ORMDL3: variants seen among roughly 807,000 people sequenced by gnomAD.
The protein encoded by ORMDL3 is ORM1-like protein 3.
ORMDL3 carries 6 observed loss-of-function variants against 12.6 expected under a neutral mutation model. That is an observed-to-expected ratio of 0.48 (90% CI 0.26 to 0.94). ORMDL3 has a LOEUF of 0.94. ORMDL3 is among the 40% of genes least tolerant of loss of function. ORMDL3 has a pLI of 0.14. For missense variants in ORMDL3, 159 were observed against 205.5 expected (o/e 0.77, Z 1.38); for synonymous variants, 99 against 87.2 (o/e 1.14, Z -0.75).
At chr17:39,922,708 A>G in intron 3 of ORMDL3, 23 bp from the exon 4 acceptor site, 2 of 1,609,920 alleles carry the variant, frequency 1.2e-6, no homozygotes, top group Non-Finnish European at 1.7e-6. Flanking sequence ...GGGTGGGGAG[A>G]GATATAAAAG....
chr17:39,923,977 G>A, intron 2 of ORMDL3, 53 bp downstream of exon 2: 2 of 1,506,978 alleles, frequency 1.3e-6, no homozygotes, highest in Non-Finnish European at 1.8e-6. Context: ...CTGCCAAAGG[G>A]CAGCCCACAG....
intron 1 of ORMDL3, 99 bp downstream of exon 1, chr17:39,927,385 G>T (rs1342582763): frequency 3.3e-6 from 3 of 905,476 alleles, no homozygotes; most frequent in African/African-American, 3.7e-5. Context: ...CACTCCCTCT[G>T]CCCCCGTCTC....
At chr17:39,923,973 A>C (rs1489661625) in intron 2 of ORMDL3, 57 bp downstream of exon 2, 3 of 1,499,482 alleles carry the variant, frequency 2.0e-6, no homozygotes, top group Non-Finnish European at 2.7e-6. Context: ...AGCCCTGCCA[A>C]AGGGCAGCCC....
intron 1 of ORMDL3, chr17:39,926,711 C>A: frequency 5.7e-6 from 5 of 877,188 alleles, no homozygotes; most frequent in Non-Finnish European, 5.5e-6. Context: ...CGGGCCCAGC[C>A]AGTATGCCAG....
intron 1 of ORMDL3, chr17:39,927,053 G>A (rs1489856729): frequency 2.1e-6 from 2 of 962,196 alleles, no homozygotes; most frequent in African/African-American, 1.8e-5. Flanking sequence ...GGAGCGAAGA[G>A]GCGGAGTCCT....
In ORMDL3 at chr17:39,924,244, G is replaced by A; in HGVS notation, c.-22-19C>T. 6.4e-7 allele frequency: 1 copy of A among 1,553,252 alleles called. No individual in the cohort carries two copies. Among genetic ancestry groups the A allele is most frequent in the South Asian group, 1.2e-5 (1 of 81,096 alleles). On this transcript the variant is annotated intron_variant, in intron 1 of 3. Coordinates refer to ENST00000304046, the MANE Select transcript of ORMDL3 (RefSeq NM_139280.4). The stretch of plus-strand genomic sequence containing the variant: ...TGCTGTTCTGCAAACAAGCAGCACA[G>A]GTCAGACAGGTCACACTGCTTTCCC...
At chr17:39,924,322 G>C in intron 1 of ORMDL3, 97 bp from the exon 2 acceptor site, 5 of 1,186,212 alleles carry the variant, frequency 4.2e-6, no homozygotes, top group Non-Finnish European at 5.8e-6. Flanking sequence ...GTTTCCCTGA[G>C]AACTCCAGGC....
intron 1 of ORMDL3, chr17:39,927,248 C>T (rs1978481956): frequency 5.3e-6 from 1 of 187,344 alleles, no homozygotes; most frequent in African/African-American, 2.4e-5. Flanking sequence ...CGAGCCGCTC[C>T]CCGCCTCCCA....
Position 39,921,160 on chromosome 17 carries a change from G to A in ORMDL3, c.*1390C>T, listed in dbSNP as rs1017976370. Reference sequence around the variant, plus strand: ...AGGTGAAAGTTCCCTATGATACACGGGGTGGGAGATGCAGGGTCAGGAGGG... The same window carrying A: ...AGGTGAAAGTTCCCTATGATACACGAGGTGGGAGATGCAGGGTCAGGAGGG... On this transcript the variant is annotated 3_prime_UTR_variant, in exon 4 of 4. Transcript: ENST00000304046. 6.5e-6 allele frequency: 1 copy of A among 152,880 alleles called. No homozygotes were observed. Among genetic ancestry groups the A allele is most frequent in the Admixed American group, 6.5e-5 (1 of 15,284 alleles). 9.5% of individuals were successfully genotyped at this position (152,880 alleles called of 1,614,324 possible).
chr17:39,924,175 ACCTCGCTGTGCGC>A lies in ORMDL3; in HGVS notation c.16_28del (p.Ala6Ter). On this transcript the variant is annotated frameshift_variant, in exon 2 of 4. Coordinates refer to ENST00000304046, the MANE Select transcript of ORMDL3 (RefSeq NM_139280.4). LOFTEE classifies it high-confidence loss of function. ...GTTCATCACCCGCGTGTTGGGGTTC[ACCTCGCTGTGCGC>A]TGTGCCCACATTCATCCTGCTGCCC... 6.2e-7 allele frequency: 1 copy of A among 1,612,244 alleles called. No individual in the cohort carries two copies. The highest frequency in any genetic ancestry group is 8.5e-7 in the Non-Finnish European group (1 of 1,178,954).
rs1298069154 is a variant in ORMDL3, at chr17:39,921,901, C to G, written c.*649G>C. 1.3e-5 allele frequency: 2 copies of G among 151,898 alleles called. No homozygotes were observed. Among genetic ancestry groups the G allele is most frequent in the Non-Finnish European group, 2.9e-5 (2 of 68,060 alleles). The allele number at this position is 151,898 out of a possible 1,614,324, so 9.4% of individuals were successfully genotyped here. A position where few individuals can be genotyped will look rare whatever the true frequency, so the allele number is the denominator to read the frequency against. ...AGGCCAGGATGGCAGCAGCCCTGGC[C>G]CCCTCACCTCTGGAACCAAGCCATC... On this transcript the variant is annotated 3_prime_UTR_variant, in exon 4 of 4. Transcript: ENST00000304046.
chr17:39,923,785 C>T (rs1978317918), intron 2 of ORMDL3, among the ~76,000 whole-genome samples: 1 of 152,070 alleles, frequency 6.6e-6, no homozygotes, highest in South Asian at 2.1e-4. Flanking sequence ...AACAGCCACC[C>T]CACCCTAGAG....
chr17:39,926,968 C>A, intron 1 of ORMDL3: 1 of 985,748 alleles, frequency 1.0e-6, no homozygotes, highest in Non-Finnish European at 1.2e-6. Flanking sequence ...TTTGGCCCAG[C>A]CACCCCGACT....
Position 39,921,054 on chromosome 17 carries a change from G to C in ORMDL3, c.*1496C>G, listed in dbSNP as rs1978292514. 1 of 152,784 alleles carries C rather than the reference G, an allele frequency of 6.5e-6. No homozygotes were observed. Among genetic ancestry groups the C allele is most frequent in the African/African-American group, 2.4e-5 (1 of 41,428 alleles). The allele number at this position is 152,784 out of a possible 1,614,324, so 9.5% of individuals were successfully genotyped here. On this transcript the variant is annotated 3_prime_UTR_variant, in exon 4 of 4. Transcript: ENST00000304046. ...GCCAGACACAGGGAAACAGAAACAT[G>C]TTGCCCTTTTATTTGCGTTTCTCAG...
In ORMDL3 at chr17:39,927,539, G is replaced by A. The variant is rs1978505843; in HGVS notation, c.-78C>T. The A allele has an allele frequency of 2.0e-6, 2 of 985,374 alleles. No individual in the cohort carries two copies. The highest frequency in any genetic ancestry group is 6.1e-5 in the Admixed American group (1 of 16,272). 61.0% of individuals were successfully genotyped at this position (985,374 alleles called of 1,614,324 possible). A position where few individuals can be genotyped will look rare whatever the true frequency, so the allele number is the denominator to read the frequency against. ...ACGGTTCCCGGGAGCGGGGGCCGCT[G>A]CTGCTCCAGCAGCTGTAACAACCCG... On this transcript the variant is annotated 5_prime_UTR_variant, in exon 1 of 4. Coordinates refer to ENST00000304046, the MANE Select transcript of ORMDL3 (RefSeq NM_139280.4).
At chr17:39,925,773 A>G (rs2144750182) in intron 1 of ORMDL3, 1 of 152,398 alleles carries the variant, frequency 6.6e-6, no homozygotes, top group East Asian at 1.9e-4. Flanking sequence ...CCCGTGCGCC[A>G]GCCTGGGGCG....
intron 1 of ORMDL3, among the ~76,000 whole-genome samples, 183 bp from the exon 2 acceptor site, chr17:39,924,408 G>C (rs1978325360): frequency 6.6e-6 from 1 of 152,208 alleles, no homozygotes; most frequent in Non-Finnish European, 1.5e-5. Flanking sequence ...ATTTCCTGCT[G>C]CTGGGCTGGG....
At chr17:39,923,536 A>T (rs1978315308) in intron 2 of ORMDL3, among the ~76,000 whole-genome samples, 1 of 151,670 alleles carries the variant, frequency 6.6e-6, no homozygotes, top group Non-Finnish European at 1.5e-5. Flanking sequence ...CCTCCAGGCC[A>T]CTCATAGCCC....
At chr17:39,927,330 C>A in intron 1 of ORMDL3, 154 bp downstream of exon 1, 1 of 468,144 alleles carries the variant, frequency 2.1e-6, no homozygotes, top group African/African-American at 2.1e-5. Context: ...TTGGCCACCT[C>A]CCCAGCCGAT....
Sources: allele counts gnomAD v4.1 joint callset (sites outside exome capture counted in the v4.1 genomes callset), GRCh38; gene constraint gnomAD v4.1.1; transcripts MANE v1.5; gene names NCBI Gene and HGNC (gene_info 2026-07-23, HGNC 2026-07-21).